TMTC2: variants seen among roughly 807,000 people sequenced by gnomAD.
The protein encoded by TMTC2 is protein O-mannosyl-transferase TMTC2.
Under a neutral mutation model 82.4 loss-of-function variants are expected in TMTC2, and 43 were observed. That is an observed-to-expected ratio of 0.52 (90% CI 0.41 to 0.67). TMTC2 has a LOEUF of 0.67. TMTC2 is among the 30% of genes least tolerant of loss of function. The pLI is 0.00. For synonymous variants in TMTC2, 408 were observed against 381.9 expected, an observed-to-expected ratio of 1.07 and a Z score of -0.80; for missense variants, 919 against 1,012.4, an observed-to-expected ratio of 0.91 and a Z score of 1.25.
chr12:83,015,457 A>T (rs569674273), intron 8 of TMTC2, among the ~76,000 whole-genome samples: 1 of 152,318 alleles, frequency 6.6e-6, no homozygotes, highest in African/African-American at 2.4e-5. Flanking sequence ...AATCTGCACA[A>T]TGTGATGAAG....
intron 10 of TMTC2, among the ~76,000 whole-genome samples, chr12:83,059,349 T>C (rs931760838): frequency 6.6e-6 from 1 of 151,870 alleles, no homozygotes; most frequent in African/African-American, 2.4e-5. Flanking sequence ...GGACACTTCC[T>C]CATGAGTTAT....
chr12:82,948,575 G>A (rs1313377175), intron 4 of TMTC2, among the ~76,000 whole-genome samples: 13 of 152,066 alleles, frequency 8.5e-5, no homozygotes, highest in South Asian at 2.1e-4. Flanking sequence ...ACCTATTCCC[G>A]CTGGTCCATA....
rs866325705 is a variant in TMTC2, at chr12:83,132,765, G to A, written c.*376G>A. On this transcript the variant is annotated 3_prime_UTR_variant, in exon 12 of 12. Transcript: ENST00000321196. ...AAACACTGTGAGAGGAAGTCAGAGT[G>A]TCCATTCAGGCATGGCAAACAATTA... 6.6e-5 allele frequency: 13 copies of A among 195,720 alleles called. No homozygotes were observed. Among genetic ancestry groups the A allele is most frequent in the Admixed American group, 2.5e-4 (4 of 15,778 alleles). 12.1% of individuals were successfully genotyped at this position (195,720 alleles called of 1,614,324 possible).
chr12:83,006,196 A>G (rs888183306), intron 8 of TMTC2, among the ~76,000 whole-genome samples: 3 of 152,110 alleles, frequency 2.0e-5, no homozygotes, highest in Non-Finnish European at 4.4e-5. Flanking sequence ...TAGGTCGGCC[A>G]TCCCATGCAG....
intron 7 of TMTC2, among the ~76,000 whole-genome samples, chr12:82,981,323 A>G (rs1878906873): frequency 6.6e-6 from 1 of 151,878 alleles, no homozygotes; most frequent in Non-Finnish European, 1.5e-5. Context: ...GATGTAGACT[A>G]TTACATCATC....
At chr12:82,718,404 A>T (rs1275184194) in intron 1 of TMTC2, among the ~76,000 whole-genome samples, 1 of 152,186 alleles carries the variant, frequency 6.6e-6, no homozygotes, top group African/African-American at 2.4e-5. Context: ...TCCTCATATC[A>T]CCGTTGTAAA....
chr12:82,793,703 G>A (rs1878571429), intron 1 of TMTC2, among the ~76,000 whole-genome samples: 2 of 152,208 alleles, frequency 1.3e-5, no homozygotes, highest in South Asian at 4.2e-4. Flanking sequence ...TATGGTATGG[G>A]GGTGGGAAGG....
At chr12:82,972,500 T>C (rs888030123) in intron 7 of TMTC2, among the ~76,000 whole-genome samples, 2 of 152,156 alleles carry the variant, frequency 1.3e-5, no homozygotes, top group African/African-American at 2.4e-5. Context: ...CCAAGTTTAT[T>C]GGGCTGTTCA....
intron 1 of TMTC2, among the ~76,000 whole-genome samples, chr12:82,765,190 C>T (rs1323479987): frequency 6.6e-6 from 1 of 152,146 alleles, no homozygotes; most frequent in Non-Finnish European, 1.5e-5. Context: ...CTTGACATTT[C>T]CCTTTGGCTT....
In TMTC2 at chr12:83,061,851, G is replaced by A. The variant is rs747376607; in HGVS notation, c.2331+20G>A. 1 of 1,560,820 alleles carries A rather than the reference G, an allele frequency of 6.4e-7. No individual in the cohort carries two copies. On this transcript the variant is annotated intron_variant, in intron 11 of 11. Transcript: ENST00000321196. The stretch of plus-strand genomic sequence containing the variant: ...CCTAATGTAAGTACTTCCCTAATGA[G>A]AAACATTTTCAGAGGGATAGACTCC...
In TMTC2 at chr12:82,687,318, C is replaced by G; in HGVS notation, c.-269C>G. 3.8e-6 allele frequency: 2 copies of G among 530,182 alleles called. No homozygotes were observed. Among genetic ancestry groups the G allele is most frequent in the Non-Finnish European group, 3.4e-6 (1 of 293,116 alleles). 32.8% of individuals were successfully genotyped at this position (530,182 alleles called of 1,614,324 possible). On this transcript the variant is annotated 5_prime_UTR_variant, in exon 1 of 12. Coordinates refer to ENST00000321196, the MANE Select transcript of TMTC2 (RefSeq NM_152588.3). ...GCGCTTCCGCCGGGGGACGCGGAGCCCAAACGCCGCTCACCGCTTGCGGGC... is the reference window on the plus strand; with the variant it reads ...GCGCTTCCGCCGGGGGACGCGGAGCGCAAACGCCGCTCACCGCTTGCGGGC...
intron 1 of TMTC2, among the ~76,000 whole-genome samples, chr12:82,715,828 T>C (rs1393456335): frequency 6.6e-6 from 1 of 152,162 alleles, no homozygotes; most frequent in East Asian, 1.9e-4. Flanking sequence ...AGCCCTAACA[T>C]TTAGAATATT....
At chr12:82,997,414 A>ATATATATATATGTG (rs1565845349) in intron 8 of TMTC2, among the ~76,000 whole-genome samples, 61 of 29,960 alleles carry the variant, frequency 2.0e-3, no homozygotes, top group African/African-American at 4.5e-3. Flanking sequence ...ATATATGTGT[A>ATATATATATATGTG]TATATATATA....
chr12:83,086,787 A>G (rs1396384881), intron 11 of TMTC2, among the ~76,000 whole-genome samples: 1 of 152,220 alleles, frequency 6.6e-6, no homozygotes, highest in Non-Finnish European at 1.5e-5. Context: ...AAAACATTTT[A>G]TTACTAAAAA....
chr12:83,051,040 C>T lies in TMTC2; in HGVS notation c.2267+22C>T, dbSNP rs755606807. 35 of 1,561,352 alleles carry T rather than the reference C, an allele frequency of 2.2e-5. No homozygotes were observed. The East Asian group carries it at 7.3e-4, about 32-fold the overall frequency. Reference sequence around the variant, plus strand: ...TCAGGTTAGTTTTTTTGCTGCTGTGCCTCAAAGCCTAGGCTTTGAGAGGGT... The same window carrying T: ...TCAGGTTAGTTTTTTTGCTGCTGTGTCTCAAAGCCTAGGCTTTGAGAGGGT... On this transcript the variant is annotated intron_variant, in intron 10 of 11. Transcript: ENST00000321196.
At chr12:82,742,369 A>AAG (rs1875457375) in intron 1 of TMTC2, among the ~76,000 whole-genome samples, 2 of 151,192 alleles carry the variant, frequency 1.3e-5, no homozygotes, top group African/African-American at 4.9e-5. Context: ...TAAAAAAAAA[A>AAG]AATGCCGTGT....
Position 82,707,647 on chromosome 12 carries a change from T to G in TMTC2, c.83+19978T>G, listed in dbSNP as rs899803860. The stretch of plus-strand genomic sequence containing the variant: ...TGGGGAATGGTAGGGATACTTTGTC[T>G]AGGCCAAGGCCTTGTTCCTGCACTT... On this transcript the variant is annotated intron_variant, in intron 1 of 11. Transcript: ENST00000321196. Among the ~76,000 whole-genome samples the G allele has an allele frequency of 2.6e-5, 4 of 152,208 alleles. No homozygotes were observed. The East Asian group carries it at 7.7e-4, about 29-fold the overall frequency.
At chr12:82,777,339 T>C (rs1043923214) in intron 1 of TMTC2, among the ~76,000 whole-genome samples, 6 of 152,284 alleles carry the variant, frequency 3.9e-5, no homozygotes, top group South Asian at 2.1e-4. Flanking sequence ...GTTATTAAGA[T>C]AGGTTAAATA....
At chr12:82,810,916 T>G (rs1028998646) in intron 1 of TMTC2, among the ~76,000 whole-genome samples, 3 of 152,146 alleles carry the variant, frequency 2.0e-5, no homozygotes, top group African/African-American at 4.8e-5. Context: ...CCAGCGATGC[T>G]GAACTATGAG....
Sources: gnomAD v4.1 joint callset for allele counts (sites outside exome capture counted in the v4.1 genomes callset) on GRCh38, gnomAD v4.1.1 for gene constraint, MANE v1.5 for transcripts, NCBI Gene and HGNC (gene_info 2026-07-23, HGNC 2026-07-21) for gene names.